ZMYND8: variants seen among roughly 807,000 people sequenced by gnomAD.
The protein encoded by ZMYND8 is zinc finger MYND-type containing 8.
ZMYND8 carries 37 observed loss-of-function variants against 140.8 expected under a neutral mutation model. That is an observed-to-expected ratio of 0.26 (90% CI 0.20 to 0.35). The LOEUF is 0.35. Ranked by LOEUF, ZMYND8 falls within the 10% of genes least tolerant of loss-of-function variation. The pLI is 1.00. For missense variants in ZMYND8, 1,068 were observed against 1,570.0 expected (o/e 0.68, Z 5.40); for synonymous variants, 592 against 597.1 (o/e 0.99, Z 0.12).
At chr20:47,285,593 C>T in intron 8 of ZMYND8, 4 of 793,240 alleles carry the variant, frequency 5.0e-6, no homozygotes, top group Non-Finnish European at 6.1e-6. Context: ...AAGGACATAG[C>T]CTCATTGTAA....
chr20:47,350,020 G>A, intron 1 of ZMYND8: 1 of 1,473,702 alleles, frequency 6.8e-7, no homozygotes, highest in Non-Finnish European at 9.0e-7. Context: ...AACTAGTTAT[G>A]TGGTGGCTAT....
chr20:47,248,109 T>C (rs2040779314), intron 13 of ZMYND8, among the ~76,000 whole-genome samples: 1 of 152,234 alleles, frequency 6.6e-6, no homozygotes, highest in African/African-American at 2.4e-5. Flanking sequence ...TTTTCTGTTT[T>C]TATTACTGGT....
intron 2 of ZMYND8, among the ~76,000 whole-genome samples, chr20:47,342,265 C>A (rs1194433392): frequency 1.3e-5 from 2 of 152,156 alleles, no homozygotes; most frequent in African/African-American, 2.4e-5. Context: ...CCAGGATCCT[C>A]TGGGTGCGGT....
chr20:47,273,648 A>G (rs182522725), intron 11 of ZMYND8, among the ~76,000 whole-genome samples: 67 of 152,322 alleles, frequency 4.4e-4, no homozygotes, highest in Non-Finnish European at 8.4e-4. Context: ...CTAGCTGTTT[A>G]TTGAGCTAGG....
chr20:47,273,582 G>A (rs773776532), intron 11 of ZMYND8, among the ~76,000 whole-genome samples: 8 of 152,014 alleles, frequency 5.3e-5, no homozygotes, highest in Non-Finnish European at 7.4e-5. Context: ...AATAAATTCC[G>A]GTGTCCATTA....
chr20:47,278,399 C>T (rs117403397), intron 10 of ZMYND8, among the ~76,000 whole-genome samples: 3 of 152,200 alleles, frequency 2.0e-5, no homozygotes, highest in African/African-American at 4.8e-5. Flanking sequence ...AGGGAGAAAG[C>T]AGTATCTACT....
chr20:47,340,312 C>T (rs1284298275), intron 2 of ZMYND8, among the ~76,000 whole-genome samples: 1 of 152,032 alleles, frequency 6.6e-6, no homozygotes, highest in Non-Finnish European at 1.5e-5. Context: ...GAATGGTGGT[C>T]CAGGGGTGCT....
Position 47,293,764 on chromosome 20 carries a change from T to G in ZMYND8, c.567+902A>C, listed in dbSNP as rs541510150. Among the ~76,000 whole-genome samples, 4 of 152,324 alleles carry G rather than the reference T, an allele frequency of 2.6e-5. No individual in the cohort carries two copies. The South Asian group carries it at 8.3e-4, about 32-fold the overall frequency. ...ACGTTTTACTATGTCATTGCCCAATTGATATGGTTTGGCTCTGTGTCCCCA... is the reference window on the plus strand; with the variant it reads ...ACGTTTTACTATGTCATTGCCCAATGGATATGGTTTGGCTCTGTGTCCCCA... On this transcript the variant is annotated intron_variant, in intron 5 of 22. Coordinates refer to ENST00000471951, the MANE Select transcript of ZMYND8 (RefSeq NM_001281775.3).
At chr20:47,228,339 G>A (rs1379793210) in intron 17 of ZMYND8, among the ~76,000 whole-genome samples, 1 of 152,134 alleles carries the variant, frequency 6.6e-6, no homozygotes, top group Non-Finnish European at 1.5e-5. Flanking sequence ...GAGAAAACCT[G>A]ATTAATTCAC....
At chr20:47,331,044 A>AGAGAGAAGTGGAACACG (rs1030084400) in intron 2 of ZMYND8, among the ~76,000 whole-genome samples, 3 of 152,180 alleles carry the variant, frequency 2.0e-5, no homozygotes, top group Non-Finnish European at 2.9e-5. Context: ...TGGCTGGAGA[A>AGAGAGAAGTGGAACACG]GAGAGAAGTG....
intron 10 of ZMYND8, among the ~76,000 whole-genome samples, chr20:47,279,794 A>C (rs1446235406): frequency 6.6e-6 from 1 of 151,916 alleles, no homozygotes. Flanking sequence ...ATTTAATAAA[A>C]TATTTCCTAT....
chr20:47,322,344 T>C (rs2080027638), intron 2 of ZMYND8, among the ~76,000 whole-genome samples: 2 of 152,088 alleles, frequency 1.3e-5, no homozygotes, highest in African/African-American at 2.4e-5. Flanking sequence ...ATTCCTCTAT[T>C]TCCTTTGCAG....
intron 12 of ZMYND8, among the ~76,000 whole-genome samples, chr20:47,252,811 C>A (rs1002351500): frequency 1.3e-5 from 2 of 151,910 alleles, no homozygotes; most frequent in Non-Finnish European, 2.9e-5. Flanking sequence ...CCCAGCTACT[C>A]AGGAGGCTAA....
chr20:47,249,991 G>A (rs1304104566), intron 12 of ZMYND8, among the ~76,000 whole-genome samples: 1 of 152,126 alleles, frequency 6.6e-6, no homozygotes, highest in African/African-American at 2.4e-5. Context: ...GAAAGGGCAG[G>A]GAATATAAGA....
At chr20:47,334,803 G>A (rs1228419344) in intron 2 of ZMYND8, among the ~76,000 whole-genome samples, 1 of 151,844 alleles carries the variant, frequency 6.6e-6, no homozygotes, top group African/African-American at 2.4e-5. Flanking sequence ...TGGAGACAGG[G>A]TTTCACCATG....
chr20:47,224,245 C>T, intron 19 of ZMYND8, 72 bp downstream of exon 19: 1 of 1,590,512 alleles, frequency 6.3e-7, no homozygotes, highest in Non-Finnish European at 8.6e-7. Flanking sequence ...CCTGAGACCC[C>T]TGAAGTCCAC....
At position 47,276,471 on chromosome 20, in the gene ZMYND8, G is replaced by C. The variant is rs774261068; in HGVS notation, c.1323C>G (p.Gly441=). ...GCATATCCGACAAGGAAATCCGGCGGCCTGTGCCCCCACTCAGCACAGGCT... is the reference window on the plus strand; with the variant it reads ...GCATATCCGACAAGGAAATCCGGCGCCCTGTGCCCCCACTCAGCACAGGCT... ...MSKPVLSGGT[G]RRISLSDMPR... The change falls in exon 11 of 23, where the codon GGC becomes GGG. Residue 441 remains glycine, a synonymous_variant. Transcript: ENST00000471951. 6.2e-6 allele frequency: 10 copies of C among 1,613,990 alleles called. No homozygotes were observed. Among genetic ancestry groups the C allele is most frequent in the Non-Finnish European group, 8.5e-6 (10 of 1,180,026 alleles).
At chr20:47,309,953 A>G in intron 3 of ZMYND8, 103 bp downstream of exon 3, 4 of 1,508,890 alleles carry the variant, frequency 2.7e-6, no homozygotes, top group Non-Finnish European at 3.6e-6. Flanking sequence ...AAGGCAGCTA[A>G]CTAAATCCAA....
chr20:47,323,513 G>A (rs2080146359), intron 2 of ZMYND8, among the ~76,000 whole-genome samples: 1 of 152,086 alleles, frequency 6.6e-6, no homozygotes, highest in African/African-American at 2.4e-5. Context: ...GGCATGAGCT[G>A]TTGCACCTGG....
Sources: allele counts gnomAD v4.1 joint callset (sites outside exome capture counted in the v4.1 genomes callset), GRCh38; gene constraint gnomAD v4.1.1; transcripts MANE v1.5; gene names NCBI Gene and HGNC (gene_info 2026-07-23, HGNC 2026-07-21).